The following FAM120B variants were observed in gnomAD, a reference collection of about 807,000 sequenced individuals.
The protein encoded by FAM120B is constitutive coactivator of peroxisome proliferator-activated receptor gamma.
FAM120B carries 83 observed loss-of-function variants against 96.3 expected under a neutral mutation model. That is an observed-to-expected ratio of 0.86 (90% CI 0.72 to 1.03). FAM120B has a LOEUF of 1.03. Among genes scored for constraint, FAM120B ranks in the 50% least tolerant of loss-of-function variants. The probability of loss-of-function intolerance (pLI) is 0.00; values close to 1 mark genes in which losing one functional copy is unlikely to be tolerated. For missense variants in FAM120B, 1,027 were observed against 1,121.2 expected (o/e 0.92, Z 1.20); for synonymous variants, 407 against 402.7 (o/e 1.01, Z -0.13).
chr6:170,376,649 T>C (rs73790944), intron 6 of FAM120B, among the ~76,000 whole-genome samples: 126 of 152,092 alleles, frequency 8.3e-4, no homozygotes, highest in African/African-American at 2.9e-3. Context: ...TTCCAGGAGA[T>C]TGGAGGAGCG....
intron 9 of FAM120B, among the ~76,000 whole-genome samples, chr6:170,399,101 G>C (rs563726205): frequency 6.8e-6 from 1 of 147,738 alleles, no homozygotes; most frequent in South Asian, 2.1e-4. Context: ...AGTGGGGAAG[G>C]TAGAACTATG....
Position 170,317,881 on chromosome 6 carries a change from C to T in FAM120B, c.491C>T (p.Ala164Val). The T allele has an allele frequency of 6.2e-7, 1 of 1,614,226 alleles. No individual in the cohort carries two copies. Among genetic ancestry groups the T allele is most frequent in the Non-Finnish European group, 8.5e-7 (1 of 1,180,040 alleles). Residue 164 changes from alanine (A) to valine (V), a missense_variant, in exon 2 of 11, where the codon GCT (alanine) becomes GTT (valine). Physicochemically the swap from Ala to Val is moderately conservative, Grantham distance 64 (BLOSUM62 0). Coordinates refer to ENST00000476287, the MANE Select transcript of FAM120B (RefSeq NM_032448.3). ...TTGCAGGAAGCAGATTATGAGGTAG[C>T]TTCCTATGGCCTCCAGCATAACTGT... ...CSLQEADYEV[A>V]SYGLQHNCLG... is the part of the protein sequence containing the mutation.
At chr6:170,301,039 A>C (rs1784130019) in intron 1 of FAM120B, among the ~76,000 whole-genome samples, 1 of 152,218 alleles carries the variant, frequency 6.6e-6, no homozygotes, top group South Asian at 2.1e-4. Context: ...GTGGTGTGCC[A>C]GTGGGGATTC....
Position 170,403,631 on chromosome 6 carries a change from G to T in FAM120B, c.2693-919G>T, listed in dbSNP as rs184338444. Among the ~76,000 whole-genome samples, 555 of 152,254 alleles carry T rather than the reference G, an allele frequency of 3.6e-3. 2 individuals are homozygous for T. The highest frequency in any genetic ancestry group is 0.011 in the South Asian group (51 of 4,822). On this transcript the variant is annotated intron_variant, in intron 9 of 10. Coordinates refer to ENST00000476287, the MANE Select transcript of FAM120B (RefSeq NM_032448.3). Reference sequence around the variant, plus strand: ...GCAGGCAGCTGCCCCGAGAACAAAGGCTGCTCAAGTGAGAAGGCTTTAACC... The same window carrying T: ...GCAGGCAGCTGCCCCGAGAACAAAGTCTGCTCAAGTGAGAAGGCTTTAACC...
intron 1 of FAM120B, among the ~76,000 whole-genome samples, chr6:170,312,362 T>C (rs1784642511): frequency 6.6e-6 from 1 of 152,202 alleles, no homozygotes; most frequent in African/African-American, 2.4e-5. Context: ...GTTTTAAAAT[T>C]TGTGATAATT....
chr6:170,331,699 T>C (rs975064559), intron 4 of FAM120B, among the ~76,000 whole-genome samples: 1 of 152,240 alleles, frequency 6.6e-6, no homozygotes, highest in African/African-American at 2.4e-5. Context: ...AAGAGAACAT[T>C]TGACTGTTCG....
chr6:170,398,083 G>C (rs927525620), intron 9 of FAM120B, among the ~76,000 whole-genome samples: 2 of 152,220 alleles, frequency 1.3e-5, no homozygotes, highest in Admixed American at 1.3e-4. Context: ...AAGAGGCTAC[G>C]GGTTCTGCAG....
intron 8 of FAM120B, among the ~76,000 whole-genome samples, chr6:170,392,620 C>T (rs901160809): frequency 3.9e-5 from 6 of 152,262 alleles, no homozygotes; most frequent in Non-Finnish European, 7.4e-5. Context: ...CTACTGCAGT[C>T]CCATTATTTT....
At chr6:170,354,994 A>G (rs968838773) in intron 5 of FAM120B, among the ~76,000 whole-genome samples, 2 of 152,208 alleles carry the variant, frequency 1.3e-5, no homozygotes, top group Non-Finnish European at 2.9e-5. Context: ...ATCATTGATC[A>G]CTAGAGAAAT....
intron 1 of FAM120B, among the ~76,000 whole-genome samples, chr6:170,296,039 C>T (rs769083678): frequency 2.0e-5 from 3 of 152,130 alleles, no homozygotes; most frequent in Admixed American, 6.5e-5. Context: ...CTGGGGCTGT[C>T]CCGCGCCCCA....
rs1360623206 is a variant in FAM120B at position 170,404,609 on chromosome 6, C to T, written c.*11+8C>T. On this transcript the variant is annotated splice_region_variant and intron_variant, in intron 10 of 10. Transcript: ENST00000476287. ...GTACTAGTCAACCTCCAGGTAAGTT[C>T]ATCACCTGCATCTCCAGAAGAAATC... is the stretch of plus-strand genomic sequence containing the variant. 2 of 1,595,396 alleles carry T rather than the reference C, an allele frequency of 1.3e-6. No homozygotes were observed. The highest frequency in any genetic ancestry group is 1.3e-5 in the African/African-American group (1 of 74,470).
intron 6 of FAM120B, among the ~76,000 whole-genome samples, chr6:170,375,075 A>G (rs887676334): frequency 6.6e-6 from 1 of 152,184 alleles, no homozygotes; most frequent in African/African-American, 2.4e-5. Context: ...CCAGGTGGTG[A>G]GAGAGCTGGG....
chr6:170,402,263 C>G (rs1425215006), intron 9 of FAM120B, among the ~76,000 whole-genome samples: 1 of 152,232 alleles, frequency 6.6e-6, no homozygotes, highest in Non-Finnish European at 1.5e-5. Flanking sequence ...GTGGGGGTGG[C>G]AGAGGTCCTC....
chr6:170,336,785 T>G (rs1367662125), intron 4 of FAM120B, among the ~76,000 whole-genome samples: 2 of 152,236 alleles, frequency 1.3e-5, no homozygotes, highest in Non-Finnish European at 2.9e-5. Context: ...TTTTATTCTC[T>G]GTGTAGCAAT....
chr6:170,351,431 C>G (rs1275233422), intron 5 of FAM120B, among the ~76,000 whole-genome samples: 3 of 152,138 alleles, frequency 2.0e-5, no homozygotes, highest in Non-Finnish European at 4.4e-5. Flanking sequence ...CATTCCAATT[C>G]AGGAAATACA....
At chr6:170,374,830 C>T (rs1452536011) in intron 6 of FAM120B, among the ~76,000 whole-genome samples, 2 of 152,200 alleles carry the variant, frequency 1.3e-5, no homozygotes, top group African/African-American at 4.8e-5. Context: ...TGCAGCATGT[C>T]ATAGCAGCTT....
In FAM120B at chr6:170,295,425, C is replaced by T. The variant is rs1335835090; in HGVS notation, c.20C>T (p.Ser7Phe). ...TGGTTTATGTTTGGACCTCGAGGCTCCACCAGCGCTGGCGCAGGCAGGAAG... is the reference window on the plus strand; with the variant it reads ...TGGTTTATGTTTGGACCTCGAGGCTTCACCAGCGCTGGCGCAGGCAGGAAG... Residue 7 changes from serine (S) to phenylalanine (F), a missense_variant, in exon 1 of 11, where the codon TCC becomes TTC. Ser to Phe is a radical substitution (Grantham distance 155). Coordinates refer to the FAM120B transcript ENST00000537664. The surrounding 1 kb of genome is among the most constrained non-coding windows in gnomAD (Gnocchi z 7.8). The T allele has an allele frequency of 1.4e-6, 1 of 701,820 alleles. No individual in the cohort carries two copies. Among genetic ancestry groups the T allele is most frequent in the South Asian group, 1.5e-5 (1 of 67,458 alleles). 43.5% of individuals were successfully genotyped at this position (701,820 alleles called of 1,614,324 possible).
At chr6:170,308,004 C>G (rs1238922445) in intron 1 of FAM120B, among the ~76,000 whole-genome samples, 1 of 152,184 alleles carries the variant, frequency 6.6e-6, no homozygotes, top group Non-Finnish European at 1.5e-5. Context: ...GCTGTACTCC[C>G]AAGTTCCTCC....
At chr6:170,379,711 G>A (rs967697165) in intron 6 of FAM120B, among the ~76,000 whole-genome samples, 14 of 152,140 alleles carry the variant, frequency 9.2e-5, no homozygotes, top group East Asian at 3.9e-4. Context: ...TTATAAATCC[G>A]TGTATTTTAT....
Sources: gnomAD v4.1 joint callset for allele counts (sites outside exome capture counted in the v4.1 genomes callset) on GRCh38, gnomAD v4.1.1 for gene constraint, Gnocchi (gnomAD v3.1) non-coding constraint, MANE v1.5 for transcripts, NCBI Gene and HGNC (gene_info 2026-07-23, HGNC 2026-07-21) for gene names.